The following SYT17 variants were observed in gnomAD, a reference collection of about 807,000 sequenced individuals.
SYT17 encodes the protein synaptotagmin-17.
A neutral mutation model predicts 46.7 loss-of-function variants in SYT17; 22 were observed. The observed-to-expected ratio is 0.47, with a 90% CI of 0.34 to 0.67. The LOEUF (loss-of-function observed/expected upper bound fraction) is 0.67, where lower values mean the gene tolerates loss of function less well. SYT17 is among the 30% of genes least tolerant of loss of function. The pLI is 0.01. For missense variants in SYT17, 519 were observed against 612.8 expected (o/e 0.85, Z 1.62); for synonymous variants, 251 against 248.4 (o/e 1.01, Z -0.10).
At chr16:19,215,673 T>C (rs1484624339) in intron 5 of SYT17, among the ~76,000 whole-genome samples, 1 of 152,164 alleles carries the variant, frequency 6.6e-6, no homozygotes, top group Admixed American at 6.5e-5. Flanking sequence ...AGCCTTGGCC[T>C]CCCAAAGTAC....
chr16:19,264,727 G>T (rs1035366438), intron 7 of SYT17, among the ~76,000 whole-genome samples: 1 of 152,002 alleles, frequency 6.6e-6, no homozygotes, highest in African/African-American at 2.4e-5. Context: ...GAGTAGCTGG[G>T]ACTACAGGCA....
Position 19,183,022 on chromosome 16 carries a change from TAGTG to T in SYT17, c.332-502_332-499del, listed in dbSNP as rs1964619913. On this transcript the variant is annotated intron_variant, in intron 4 of 7. Coordinates refer to ENST00000355377, the MANE Select transcript of SYT17 (RefSeq NM_016524.4). The surrounding 1 kb of genome is among the most constrained non-coding windows in gnomAD (Gnocchi z 5.6). ...GGCTCACTGGTAATGAGTACACGAG[TAGTG>T]AGTAAGTGGCTGAGATGGAATTCCA... Among the ~76,000 whole-genome samples, 1 of 152,000 alleles carries T rather than the reference TAGTG, an allele frequency of 6.6e-6. No individual in the cohort carries two copies. Among genetic ancestry groups the T allele is most frequent in the African/African-American group, 2.4e-5 (1 of 41,360 alleles).
chr16:19,253,216 A>G (rs1968314380), intron 7 of SYT17, among the ~76,000 whole-genome samples: 1 of 152,206 alleles, frequency 6.6e-6, no homozygotes, highest in Non-Finnish European at 1.5e-5. Context: ...TAGAGGCCAT[A>G]GGTGGCCCTC....
At chr16:19,194,711 C>T (rs550195152) in intron 5 of SYT17, among the ~76,000 whole-genome samples, 1 of 152,306 alleles carries the variant, frequency 6.6e-6, no homozygotes, top group African/African-American at 2.4e-5. Context: ...CCTCCCGCCT[C>T]AGCCTTCCAA....
intron 4 of SYT17, 81 bp downstream of exon 4, chr16:19,180,620 T>C (rs1964513350): frequency 1.9e-6 from 3 of 1,555,866 alleles, no homozygotes; most frequent in Non-Finnish European, 8.8e-7. Flanking sequence ...TGAAGGGCAG[T>C]GTTATTGCTG....
chr16:19,212,925 C>T (rs746207230), intron 5 of SYT17, among the ~76,000 whole-genome samples: 1 of 152,206 alleles, frequency 6.6e-6, no homozygotes, highest in Non-Finnish European at 1.5e-5. Flanking sequence ...TTAGCTGGAT[C>T]TTTCTGGGCT....
intron 5 of SYT17, among the ~76,000 whole-genome samples, chr16:19,216,988 C>G (rs1051423397): frequency 6.6e-6 from 1 of 152,292 alleles, no homozygotes; most frequent in Admixed American, 6.5e-5. Flanking sequence ...CTAATTTACA[C>G]TCCTGCCAAC....
intron 7 of SYT17, among the ~76,000 whole-genome samples, chr16:19,258,059 A>C (rs1283191014): frequency 6.6e-6 from 1 of 152,146 alleles, no homozygotes; most frequent in African/African-American, 2.4e-5. Flanking sequence ...TTAGCGACCA[A>C]ATAATTTAGC....
Position 19,172,787 on chromosome 16 carries a change from T to C in SYT17, c.33+10T>C, listed in dbSNP as rs907589545. 6 of 1,614,010 alleles carry C rather than the reference T, an allele frequency of 3.7e-6. No homozygotes were observed. Among genetic ancestry groups the C allele is most frequent in the Non-Finnish European group, 5.1e-6 (6 of 1,180,018 alleles). ...GGAACCATTAAACGAGGTGGGTTCA[T>C]TTGATGATTTGTTTGGTCTGGTTTC... On this transcript the variant is annotated intron_variant, in intron 2 of 7. Transcript: ENST00000355377.
intron 5 of SYT17, among the ~76,000 whole-genome samples, chr16:19,200,862 AC>A (rs2142734343): frequency 1.3e-5 from 2 of 152,280 alleles, no homozygotes; most frequent in African/African-American, 4.8e-5. Flanking sequence ...CCTGCTGGTG[AC>A]CCTGTGACCT....
chr16:19,186,342 GGCATGGTGGCATGTGCCTGTAGTCCCA>G (rs778263688), intron 5 of SYT17, among the ~76,000 whole-genome samples: 32 of 151,606 alleles, frequency 2.1e-4, no homozygotes, highest in Non-Finnish European at 4.0e-4. Context: ...AAATTAGCCA[GGCATGGTGGCATGTGCCTGTAGTCCCA>G]GCTACTCGGG....
intron 7 of SYT17, among the ~76,000 whole-genome samples, chr16:19,239,689 G>T (rs1479583381): frequency 6.6e-6 from 1 of 152,176 alleles, no homozygotes; most frequent in Non-Finnish European, 1.5e-5. Context: ...ATCATTGAGG[G>T]TGTTGCTTTT....
chr16:19,257,912 C>CA (rs1041965407), intron 7 of SYT17, among the ~76,000 whole-genome samples: 9 of 151,744 alleles, frequency 5.9e-5, no homozygotes, highest in Non-Finnish European at 8.8e-5. Context: ...ACCAAATATG[C>CA]AAAATGAGAA....
intron 7 of SYT17, among the ~76,000 whole-genome samples, chr16:19,239,858 A>G (rs7192925): frequency 0.21 from 32,418 of 152,130 alleles, 4,691 homozygotes; most frequent in East Asian, 0.39. Context: ...TATGTGAGCA[A>G]ACGAGCATGG....
intron 7 of SYT17, among the ~76,000 whole-genome samples, chr16:19,252,442 T>C (rs1318453790): frequency 3.1e-5 from 1 of 31,762 alleles, no homozygotes; most frequent in African/African-American, 2.5e-4. Context: ...TATATACATA[T>C]ATATACACAT....
chr16:19,192,991 G>A (rs1308453624), intron 5 of SYT17, among the ~76,000 whole-genome samples: 1 of 152,196 alleles, frequency 6.6e-6, no homozygotes, highest in Non-Finnish European at 1.5e-5. Context: ...GTAAACTCTG[G>A]ACCTCGTTCC....
intron 5 of SYT17, among the ~76,000 whole-genome samples, chr16:19,206,963 A>G (rs967710606): frequency 6.6e-6 from 1 of 152,148 alleles, no homozygotes; most frequent in Non-Finnish European, 1.5e-5. Context: ...GTGGGACCTA[A>G]TGGGAGGTAT....
chr16:19,194,978 G>A (rs1384122722), intron 5 of SYT17, among the ~76,000 whole-genome samples: 4 of 152,208 alleles, frequency 2.6e-5, no homozygotes, highest in African/African-American at 7.2e-5. Flanking sequence ...CAAATATTGT[G>A]TAAAGAGCAT....
intron 7 of SYT17, among the ~76,000 whole-genome samples, chr16:19,259,944 T>C (rs993952044): frequency 6.6e-6 from 1 of 152,058 alleles, no homozygotes; most frequent in Admixed American, 6.6e-5. Flanking sequence ...CATCAATCCA[T>C]ACATGTAAGA....
Sources: gnomAD v4.1 joint callset for allele counts (sites outside exome capture counted in the v4.1 genomes callset) on GRCh38, gnomAD v4.1.1 for gene constraint, Gnocchi (gnomAD v3.1) non-coding constraint, MANE v1.5 for transcripts, NCBI Gene and HGNC (gene_info 2026-07-23, HGNC 2026-07-21) for gene names.